CCDC148: variants seen among roughly 807,000 people sequenced by gnomAD.
CCDC148 encodes the protein coiled-coil domain-containing protein 148.
In CCDC148, 89 loss-of-function variants were observed where a neutral mutation model predicts 85.7. The ratio of observed to expected loss-of-function variants is 1.04; its 90% CI spans 0.87 to 1.24. The LOEUF (loss-of-function observed/expected upper bound fraction) is 1.24, where lower values mean the gene tolerates loss of function less well. Ranked by LOEUF, CCDC148 falls within the 50% of genes most tolerant of loss-of-function variation. The probability of loss-of-function intolerance (pLI) is 0.00; values close to 1 mark genes in which losing one functional copy is unlikely to be tolerated. For synonymous variants in CCDC148, 230 were observed against 213.9 expected (o/e 1.08, Z -0.66); for missense variants, 692 against 671.7 (o/e 1.03, Z -0.33).
chr2:158,332,402 G>C (rs1174333384), intron 7 of CCDC148, among the ~76,000 whole-genome samples: 1 of 148,092 alleles, frequency 6.8e-6, no homozygotes, highest in African/African-American at 2.5e-5. Flanking sequence ...GCTTCCCCTT[G>C]TGGGTAACCC....
Position 158,415,102 on chromosome 2 carries a change from G to A in CCDC148, c.25+41313C>T, listed in dbSNP as rs1686436591. ...GTGTGAATTTGTCCATTCTCACATT[G>A]CTACAAAGAACTGCCTGAGACTGAG... On this transcript the variant is annotated intron_variant, in intron 1 of 13. Transcript: ENST00000283233. Among the ~76,000 whole-genome samples the A allele has an allele frequency of 2.0e-5, 3 of 151,588 alleles. No homozygotes were observed. In the South Asian group the frequency reaches 6.2e-4, roughly 32 times the overall value.
chr2:158,253,661 G>A (rs980166486), intron 9 of CCDC148, among the ~76,000 whole-genome samples: 5 of 151,600 alleles, frequency 3.3e-5, no homozygotes, highest in South Asian at 2.1e-4. Flanking sequence ...CCTTCAAAAT[G>A]AATATTTTAA....
At chr2:158,448,122 T>TA (rs1217449779) in intron 1 of CCDC148, among the ~76,000 whole-genome samples, 5 of 151,952 alleles carry the variant, frequency 3.3e-5, no homozygotes, top group South Asian at 4.2e-4. Context: ...TAGTATTTCT[T>TA]TAAAAAAAAT....
chr2:158,346,148 T>C (rs1297116186), intron 2 of CCDC148, among the ~76,000 whole-genome samples: 1 of 152,188 alleles, frequency 6.6e-6, no homozygotes, highest in Non-Finnish European at 1.5e-5. Flanking sequence ...CTTAGATCCA[T>C]TTCTGGCTGT....
intron 7 of CCDC148, among the ~76,000 whole-genome samples, chr2:158,324,877 C>G (rs1356360584): frequency 6.6e-6 from 1 of 152,098 alleles, no homozygotes; most frequent in African/African-American, 2.4e-5. Flanking sequence ...TCATTCCCCT[C>G]CCAGCATCTG....
intron 1 of CCDC148, among the ~76,000 whole-genome samples, chr2:158,409,251 G>A (rs188852459): frequency 1.3e-5 from 2 of 152,238 alleles, no homozygotes; most frequent in Admixed American, 6.5e-5. Context: ...CTCCGGAATG[G>A]TAGATCCACT....
intron 8 of CCDC148, among the ~76,000 whole-genome samples, chr2:158,310,520 C>T (rs562641496): frequency 6.8e-6 from 1 of 147,854 alleles, no homozygotes; most frequent in Non-Finnish European, 1.5e-5. Context: ...GGCCCCCCAC[C>T]CCCCAGACGG....
intron 10 of CCDC148, among the ~76,000 whole-genome samples, chr2:158,232,763 TA>T (rs1215381595): frequency 6.6e-6 from 1 of 152,268 alleles, no homozygotes; most frequent in Non-Finnish European, 1.5e-5. Context: ...GCCATTAAGA[TA>T]AAGCACATTT....
chr2:158,261,518 C>G (rs373331180), intron 9 of CCDC148, among the ~76,000 whole-genome samples: 7 of 151,830 alleles, frequency 4.6e-5, no homozygotes, highest in Non-Finnish European at 7.4e-5. Flanking sequence ...AATTGACAAA[C>G]AGCATCTAAT....
intron 11 of CCDC148, among the ~76,000 whole-genome samples, chr2:158,197,161 A>G (rs1297279583): frequency 6.6e-6 from 1 of 152,196 alleles, no homozygotes; most frequent in African/African-American, 2.4e-5. Flanking sequence ...CTCTGTTTCC[A>G]CTCACAATAA....
intron 1 of CCDC148, among the ~76,000 whole-genome samples, chr2:158,450,203 T>A (rs1469553653): frequency 6.6e-6 from 1 of 152,214 alleles, no homozygotes; most frequent in Non-Finnish European, 1.5e-5. Flanking sequence ...TGATTCATTT[T>A]CTCTCTGCTA....
chr2:158,361,453 C>T (rs907450233), intron 1 of CCDC148, among the ~76,000 whole-genome samples: 2 of 152,058 alleles, frequency 1.3e-5, no homozygotes, highest in African/African-American at 4.8e-5. Context: ...AAAGGGAAGC[C>T]CATCAGACTA....
At chr2:158,283,807 C>G (rs370460864) in intron 9 of CCDC148, among the ~76,000 whole-genome samples, 18 of 151,902 alleles carry the variant, frequency 1.2e-4, no homozygotes, top group Non-Finnish European at 2.6e-4. Flanking sequence ...AATCATGCTG[C>G]TATAAAGACA....
chr2:158,405,988 T>C (rs1470889129), intron 1 of CCDC148, among the ~76,000 whole-genome samples: 1 of 152,200 alleles, frequency 6.6e-6, no homozygotes, highest in Non-Finnish European at 1.5e-5. Context: ...AAGTAGTTTC[T>C]GGATGGAAGA....
chr2:158,319,396 C>A (rs955554454), intron 7 of CCDC148, among the ~76,000 whole-genome samples: 2 of 152,158 alleles, frequency 1.3e-5, no homozygotes, highest in Admixed American at 6.5e-5. Context: ...CGAATTCTGG[C>A]CAATGAAATG....
At chr2:158,398,571 G>A (rs925157778) in intron 1 of CCDC148, among the ~76,000 whole-genome samples, 2 of 152,134 alleles carry the variant, frequency 1.3e-5, no homozygotes, top group Non-Finnish European at 2.9e-5. Context: ...GATGTTCTTT[G>A]AAACCAATGA....
chr2:158,229,830 T>G (rs1432215000), intron 10 of CCDC148, among the ~76,000 whole-genome samples: 1 of 152,174 alleles, frequency 6.6e-6, no homozygotes, highest in Non-Finnish European at 1.5e-5. Flanking sequence ...TTTATCCCAT[T>G]GCAATAATTT....
chr2:158,368,479 G>C (rs1375069976), intron 1 of CCDC148, among the ~76,000 whole-genome samples: 1 of 152,014 alleles, frequency 6.6e-6, no homozygotes, highest in Non-Finnish European at 1.5e-5. Flanking sequence ...ACTGCTACTT[G>C]AACAGAATTT....
At chr2:158,346,528 T>C (rs1683002813) in intron 2 of CCDC148, among the ~76,000 whole-genome samples, 1 of 152,158 alleles carries the variant, frequency 6.6e-6, no homozygotes, top group Non-Finnish European at 1.5e-5. Flanking sequence ...TGCTATCACC[T>C]GCATAAACAT....
Sources: gnomAD v4.1 joint callset for allele counts (sites outside exome capture counted in the v4.1 genomes callset) on GRCh38, gnomAD v4.1.1 for gene constraint, MANE v1.5 for transcripts, NCBI Gene and HGNC (gene_info 2026-07-23, HGNC 2026-07-21) for gene names.